ASTN2: variants seen among roughly 807,000 people sequenced by gnomAD.
ASTN2 encodes the protein astrotactin 2.
Under a neutral mutation model 139.8 loss-of-function variants are expected in ASTN2, and 54 were observed. The observed-to-expected ratio is 0.39, with a 90% confidence interval of 0.31 to 0.48. ASTN2 has a LOEUF of 0.48. Ranked by LOEUF, ASTN2 falls within the 20% of genes least tolerant of loss-of-function variation. The probability of loss-of-function intolerance (pLI) is 0.95; values close to 1 mark genes in which losing one functional copy is unlikely to be tolerated. For synonymous variants in ASTN2, 756 were observed against 719.5 expected, an observed-to-expected ratio of 1.05 and a Z score of -0.81; for missense variants, 1,565 against 1,725.1, an observed-to-expected ratio of 0.91 and a Z score of 1.64.
intron 1 of ASTN2, among the ~76,000 whole-genome samples, chr9:117,354,699 C>T (rs1829488530): frequency 1.3e-5 from 2 of 152,082 alleles, no homozygotes; most frequent in South Asian, 4.1e-4. Context: ...CCTCCTCCTT[C>T]CCTCCCTCCA....
chr9:116,578,619 CGTGTGTGTGTGTGTGTGTGTGTGT>C (rs71377254), intron 19 of ASTN2, among the ~76,000 whole-genome samples: 5 of 137,654 alleles, frequency 3.6e-5, no homozygotes, highest in Non-Finnish European at 4.7e-5. Context: ...CTGGCTCCAA[CGTGTGTGTGTGTGTGTGTGTGTGT>C]GTGTGTGTGT....
At chr9:117,279,868 C>G (rs1268894921) in intron 2 of ASTN2, among the ~76,000 whole-genome samples, 1 of 152,180 alleles carries the variant, frequency 6.6e-6, no homozygotes, top group Non-Finnish European at 1.5e-5. Flanking sequence ...CTACATAATG[C>G]TCATTTCTCT....
intron 19 of ASTN2, chr9:116,547,326 G>A (rs1587978707): frequency 6.6e-6 from 1 of 152,184 alleles, no homozygotes; most frequent in African/African-American, 2.4e-5. Flanking sequence ...ATGTGAAATT[G>A]GCAAGACAAG....
chr9:116,980,027 G>A (rs1258429869), intron 7 of ASTN2, among the ~76,000 whole-genome samples: 1 of 152,070 alleles, frequency 6.6e-6, no homozygotes, highest in Non-Finnish European at 1.5e-5. Flanking sequence ...TTGCAATTAA[G>A]AGGCATTCAC....
At chr9:116,798,514 G>GGCTA (rs1168894308) in intron 13 of ASTN2, among the ~76,000 whole-genome samples, 1 of 152,198 alleles carries the variant, frequency 6.6e-6, no homozygotes, top group African/African-American at 2.4e-5. Context: ...TTGACTGCTA[G>GGCTA]GCTAGTTAGC....
intron 12 of ASTN2, among the ~76,000 whole-genome samples, chr9:116,815,605 A>T (rs1831291462): frequency 6.6e-6 from 1 of 151,688 alleles, no homozygotes; most frequent in Non-Finnish European, 1.5e-5. Flanking sequence ...GGAGATCGAG[A>T]CCATCCTGGC....
chr9:117,028,842 A>G (rs541664544), intron 6 of ASTN2, among the ~76,000 whole-genome samples: 16 of 152,290 alleles, frequency 1.1e-4, no homozygotes, highest in African/African-American at 3.8e-4. Flanking sequence ...TGAGATAAGT[A>G]AAAAGGGACT....
At chr9:116,990,970 T>A (rs1351759058) in intron 7 of ASTN2, among the ~76,000 whole-genome samples, 1 of 152,168 alleles carries the variant, frequency 6.6e-6, no homozygotes, top group African/African-American at 2.4e-5. Flanking sequence ...GAATTCTGGA[T>A]GCCCTGTCCA....
chr9:116,517,289 G>A (rs1428165312), intron 19 of ASTN2, among the ~76,000 whole-genome samples: 3 of 152,230 alleles, frequency 2.0e-5, no homozygotes, highest in African/African-American at 7.2e-5. Context: ...CACTGGAGCA[G>A]GTGGTGGTAT....
chr9:117,021,545 T>G (rs990651655), intron 6 of ASTN2, among the ~76,000 whole-genome samples: 27 of 152,184 alleles, frequency 1.8e-4, no homozygotes, highest in African/African-American at 6.0e-4. Flanking sequence ...ACTGCTATTC[T>G]TTGTTGTTGT....
At chr9:116,867,087 A>G (rs1833031102) in intron 10 of ASTN2, among the ~76,000 whole-genome samples, 1 of 152,126 alleles carries the variant, frequency 6.6e-6, no homozygotes, top group African/African-American at 2.4e-5. Context: ...AGAGGGACAC[A>G]GGTCATAGAG....
chr9:116,602,475 T>C (rs1439948140), intron 19 of ASTN2, among the ~76,000 whole-genome samples: 1 of 152,112 alleles, frequency 6.6e-6, no homozygotes, highest in Non-Finnish European at 1.5e-5. Flanking sequence ...AATACTGCAA[T>C]GAAAAGATTA....
chr9:116,890,348 G>A (rs1377172667), intron 10 of ASTN2, among the ~76,000 whole-genome samples: 1 of 152,152 alleles, frequency 6.6e-6, no homozygotes, highest in Admixed American at 6.5e-5. Flanking sequence ...ATGATCGGCT[G>A]CCTGGCACTC....
intron 22 of ASTN2, among the ~76,000 whole-genome samples, chr9:116,434,100 A>G (rs1847576416): frequency 6.6e-6 from 1 of 152,156 alleles, no homozygotes; most frequent in Non-Finnish European, 1.5e-5. Context: ...TATTAGTATG[A>G]GTATTTATTT....
At chr9:116,505,090 TAA>T (rs1850051475) in intron 19 of ASTN2, among the ~76,000 whole-genome samples, 1 of 151,962 alleles carries the variant, frequency 6.6e-6, no homozygotes, top group African/African-American at 2.4e-5. Flanking sequence ...TCACATCCTC[TAA>T]AAGTGACTGA....
chr9:117,319,130 T>G (rs1359683763), intron 1 of ASTN2, among the ~76,000 whole-genome samples: 1 of 152,222 alleles, frequency 6.6e-6, no homozygotes, highest in African/African-American at 2.4e-5. Context: ...TGCTCCTCTT[T>G]GTATGGATGA....
At chr9:116,621,184 G>T (rs1474793872) in intron 17 of ASTN2, among the ~76,000 whole-genome samples, 5 of 152,074 alleles carry the variant, frequency 3.3e-5, no homozygotes, top group Admixed American at 3.3e-4. Flanking sequence ...TTTTGGCTTT[G>T]GGACAAGGTA....
At chr9:117,278,353 A>G (rs375559272) in intron 2 of ASTN2, among the ~76,000 whole-genome samples, 4 of 152,204 alleles carry the variant, frequency 2.6e-5, no homozygotes, top group Non-Finnish European at 4.4e-5. Context: ...AAACAACACA[A>G]TTAGCTCAAA....
chr9:116,660,870 T>A (rs928671554), intron 16 of ASTN2, among the ~76,000 whole-genome samples: 1 of 152,076 alleles, frequency 6.6e-6, no homozygotes, highest in African/African-American at 2.4e-5. Context: ...CTCATCCAAC[T>A]CCTCTAGGAA....
Sources: allele counts gnomAD v4.1 joint callset (sites outside exome capture counted in the v4.1 genomes callset), GRCh38; gene constraint gnomAD v4.1.1; transcripts MANE v1.5; gene names NCBI Gene and HGNC (gene_info 2026-07-23, HGNC 2026-07-21).